Variants in NRXN1 observed in about 807,000 individuals in gnomAD.
NRXN1 encodes the protein neurexin 1, also known as neurexin-1.
NRXN1 carries 39 observed loss-of-function variants against 150.9 expected under a neutral mutation model. The ratio of observed to expected loss-of-function variants is 0.26; its 90% CI spans 0.20 to 0.34. The LOEUF (loss-of-function observed/expected upper bound fraction) is 0.34, where lower values mean the gene tolerates loss of function less well. Among genes scored for constraint, NRXN1 ranks in the 10% least tolerant of loss-of-function variants. The pLI is 1.00. For synonymous variants in NRXN1, 924 were observed against 757.0 expected, an observed-to-expected ratio of 1.22 and a Z score of -3.62; for missense variants, 1,815 against 1,949.9, an observed-to-expected ratio of 0.93 and a Z score of 1.30.
At chr2:50,915,882 T>C (rs1685147727) in intron 5 of NRXN1, among the ~76,000 whole-genome samples, 1 of 150,404 alleles carries the variant, frequency 6.6e-6, no homozygotes, top group Admixed American at 6.7e-5. Flanking sequence ...ATATTACAGA[T>C]CATAAGGTTT....
chr2:50,005,226 G>C (rs748524261), intron 21 of NRXN1, among the ~76,000 whole-genome samples: 1 of 152,094 alleles, frequency 6.6e-6, no homozygotes, highest in Admixed American at 6.6e-5. Context: ...ACTAGGAAGA[G>C]AGTAGGAAAC....
intron 18 of NRXN1, among the ~76,000 whole-genome samples, chr2:50,182,418 T>C (rs78763935): frequency 0.037 from 5,564 of 152,206 alleles, 139 homozygotes; most frequent in Non-Finnish European, 0.054. Context: ...ACGTTTTGGA[T>C]AATCTCATTC....
At chr2:50,864,034 T>C (rs941753950) in intron 5 of NRXN1, among the ~76,000 whole-genome samples, 1 of 151,960 alleles carries the variant, frequency 6.6e-6, no homozygotes, top group South Asian at 2.1e-4. Flanking sequence ...AACAGCAGGA[T>C]TAGTGTTTCT....
chr2:50,648,194 C>T (rs967247261), intron 5 of NRXN1, among the ~76,000 whole-genome samples: 5 of 151,874 alleles, frequency 3.3e-5, no homozygotes, highest in Non-Finnish European at 5.9e-5. Flanking sequence ...TCGCCAACAA[C>T]GACATAAGGC....
At chr2:50,415,425 T>A (rs1239470427) in intron 17 of NRXN1, among the ~76,000 whole-genome samples, 1 of 152,138 alleles carries the variant, frequency 6.6e-6, no homozygotes, top group Non-Finnish European at 1.5e-5. Context: ...CACTATGAAT[T>A]GGTGGAAATG....
At chr2:50,162,637 T>C (rs1435682932) in intron 18 of NRXN1, among the ~76,000 whole-genome samples, 3 of 152,116 alleles carry the variant, frequency 2.0e-5, no homozygotes, top group Admixed American at 2.0e-4. Flanking sequence ...ATTTCAAATG[T>C]ATATTACACA....
At chr2:50,021,802 T>C (rs1284846667) in intron 21 of NRXN1, among the ~76,000 whole-genome samples, 6 of 152,196 alleles carry the variant, frequency 3.9e-5, no homozygotes, top group African/African-American at 1.4e-4. Flanking sequence ...TATGACCCTA[T>C]ACAGAAGATA....
chr2:50,253,773 TGGTGGATAA>T (rs1156812031), intron 17 of NRXN1, among the ~76,000 whole-genome samples: 3 of 152,170 alleles, frequency 2.0e-5, no homozygotes. Context: ...GACTTGATCC[TGGTGGATAA>T]GCTTTTTGAT....
chr2:49,939,234 G>A (rs2104324623), intron 22 of NRXN1, among the ~76,000 whole-genome samples: 1 of 152,072 alleles, frequency 6.6e-6, no homozygotes, highest in South Asian at 2.1e-4. Context: ...TTTTCTCTAG[G>A]CTGAGAAAAA....
intron 5 of NRXN1, among the ~76,000 whole-genome samples, chr2:50,745,060 A>T (rs568223577): frequency 6.6e-6 from 1 of 152,256 alleles, no homozygotes; most frequent in South Asian, 2.1e-4. Flanking sequence ...ATCATGGTTA[A>T]TTAGGCAGGC....
chr2:50,148,170 T>A (rs899975816), intron 18 of NRXN1, among the ~76,000 whole-genome samples: 2 of 151,378 alleles, frequency 1.3e-5, no homozygotes, highest in African/African-American at 4.8e-5. Context: ...TGAAACTAAT[T>A]TTTTTTTAAG....
At chr2:50,574,552 A>C (rs1265151722) in intron 8 of NRXN1, among the ~76,000 whole-genome samples, 1 of 152,134 alleles carries the variant, frequency 6.6e-6, no homozygotes, top group Non-Finnish European at 1.5e-5. Flanking sequence ...AGGAAGTATC[A>C]AACTCTAACA....
rs1198173546 is a variant in NRXN1, at chr2:50,598,030, T to C, written c.1320+21992A>G. 7.2e-5 allele frequency among the ~76,000 whole-genome samples: 11 copies of C among 151,980 alleles called. No individual in the cohort carries two copies. The East Asian group carries it at 2.1e-3, about 29-fold the overall frequency. ...GGCAGGCACCTGTAATCCCAGCTACTCGGGAGGCTGAGGCAGGAGAATTGC... is the reference window on the plus strand; with the variant it reads ...GGCAGGCACCTGTAATCCCAGCTACCCGGGAGGCTGAGGCAGGAGAATTGC... On this transcript the variant is annotated intron_variant, in intron 8 of 22. Coordinates refer to ENST00000401669, the MANE Select transcript of NRXN1 (RefSeq NM_001330078.2).
intron 2 of NRXN1, among the ~76,000 whole-genome samples, chr2:50,936,675 C>T (rs1048089646): frequency 6.6e-6 from 1 of 151,990 alleles, no homozygotes; most frequent in Admixed American, 6.6e-5. Flanking sequence ...AAAGTCACTG[C>T]TTTCTGAAAT....
intron 17 of NRXN1, among the ~76,000 whole-genome samples, chr2:50,373,831 A>T (rs770317263): frequency 2.0e-5 from 3 of 152,092 alleles, no homozygotes; most frequent in Non-Finnish European, 4.4e-5. Context: ...AATATCATCA[A>T]ATTAGCCCCA....
At chr2:50,096,859 C>T (rs1051327776) in intron 18 of NRXN1, among the ~76,000 whole-genome samples, 2 of 152,172 alleles carry the variant, frequency 1.3e-5, no homozygotes, top group African/African-American at 2.4e-5. Context: ...GTTTAATGCA[C>T]TGTCTAATTC....
At chr2:50,385,935 C>T (rs113995645) in intron 17 of NRXN1, among the ~76,000 whole-genome samples, 1,625 of 151,394 alleles carry the variant, frequency 0.011, 34 homozygotes, top group African/African-American at 0.038. Context: ...ATATGCACTA[C>T]GAAAAGGTGG....
intron 22 of NRXN1, among the ~76,000 whole-genome samples, chr2:49,933,214 G>A (rs1421439597): frequency 1.3e-5 from 2 of 152,050 alleles, no homozygotes; most frequent in African/African-American, 4.8e-5. Flanking sequence ...AGCCTCCCAA[G>A]TAGCTGGGAC....
At chr2:50,953,957 G>C (rs1186184533) in intron 2 of NRXN1, among the ~76,000 whole-genome samples, 2 of 152,072 alleles carry the variant, frequency 1.3e-5, no homozygotes, top group African/African-American at 2.4e-5. Context: ...GAGACCAATT[G>C]AATAAAAAAC....
Sources: gnomAD v4.1 joint callset for allele counts (sites outside exome capture counted in the v4.1 genomes callset) on GRCh38, gnomAD v4.1.1 for gene constraint, MANE v1.5 for transcripts, NCBI Gene and HGNC (gene_info 2026-07-23, HGNC 2026-07-21) for gene names.